HLF: variants seen among roughly 807,000 people sequenced by gnomAD.
HLF encodes HLF transcription factor, PAR bZIP family member, also known as hepatic leukemia factor.
Under a neutral mutation model 22.6 loss-of-function variants are expected in HLF, and 3 were observed. That is an observed-to-expected ratio of 0.13 (90% CI 0.06 to 0.34). The LOEUF (loss-of-function observed/expected upper bound fraction) is 0.34. HLF is among the 10% of genes least tolerant of loss of function. The probability of loss-of-function intolerance (pLI) is 1.00; values close to 1 mark genes in which losing one functional copy is unlikely to be tolerated. For missense variants in HLF, 299 were observed against 389.2 expected, an observed-to-expected ratio of 0.77 and a Z score of 1.95; for synonymous variants, 151 against 151.8, an observed-to-expected ratio of 0.99 and a Z score of 0.04.
Position 55,324,699 on chromosome 17 carries a change from TTAA to T in HLF, c.*3825_*3827del, listed in dbSNP as rs774299085. ...GGTCTCCTCCACGTTTTTTCTGCAA[TTAA>T]TAATGTCATTTAAAAAATGAGCAAA... On this transcript the variant is annotated 3_prime_UTR_variant, in exon 4 of 4. Coordinates refer to ENST00000226067, the MANE Select transcript of HLF (RefSeq NM_002126.5). 3 of 232,942 alleles carry T rather than the reference TTAA, an allele frequency of 1.3e-5. No individual in the cohort carries two copies. The highest frequency in any genetic ancestry group is 1.8e-4 in the South Asian group (1 of 5,512). 14.4% of individuals were successfully genotyped at this position (232,942 alleles called of 1,614,324 possible).
At chr17:55,300,549 T>C (rs1349400899) in intron 2 of HLF, among the ~76,000 whole-genome samples, 7 of 152,206 alleles carry the variant, frequency 4.6e-5, no homozygotes, top group Admixed American at 2.0e-4. Flanking sequence ...TATTTTCCCT[T>C]AAATGTGCTC....
Position 55,322,947 on chromosome 17 carries a change from G to T in HLF, c.*2068G>T, listed in dbSNP as rs1905311558. 1 of 224,894 alleles carries T rather than the reference G, an allele frequency of 4.4e-6. No homozygotes were observed. The highest frequency in any genetic ancestry group is 1.8e-4 in the South Asian group (1 of 5,460). The allele number at this position is 224,894 out of a possible 1,614,324, so 13.9% of individuals were successfully genotyped here. A position where few individuals can be genotyped will look rare whatever the true frequency, so the allele number is the denominator to read the frequency against. ...CAAGAAATTCTGCTGTTACGACAAA[G>T]AAACATTTTACGCTAGATTAAAATA... On this transcript the variant is annotated 3_prime_UTR_variant, in exon 4 of 4. Coordinates refer to ENST00000226067, the MANE Select transcript of HLF (RefSeq NM_002126.5).
In HLF at chr17:55,275,933, C is replaced by A. The variant is rs113302355; in HGVS notation, c.451+7847C>A. ...GCCTGGGCAACATAGCAAGACCCAT[C>A]TCTACAAAATATTTTTTTAAAAATA... On this transcript the variant is annotated intron_variant, in intron 2 of 3. Transcript: ENST00000226067. 2.3e-3 allele frequency among the ~76,000 whole-genome samples: 344 copies of A among 152,268 alleles called. 2 individuals carry two copies. The highest frequency in any genetic ancestry group is 8.0e-3 in the African/African-American group (332 of 41,556).
chr17:55,272,106 G>C (rs1011557688), intron 2 of HLF: 1 of 152,244 alleles, frequency 6.6e-6, no homozygotes, highest in Non-Finnish European at 1.5e-5. Flanking sequence ...GTCATCCAAG[G>C]TGCAGTGTCC....
chr17:55,291,778 AG>A (rs2081064648), intron 2 of HLF, among the ~76,000 whole-genome samples: 1 of 152,234 alleles, frequency 6.6e-6, no homozygotes, highest in South Asian at 2.1e-4. Context: ...GCCTTCTGAA[AG>A]GATTCACCAC....
intron 2 of HLF, among the ~76,000 whole-genome samples, chr17:55,307,971 A>G (rs1228119285): frequency 6.6e-6 from 1 of 152,198 alleles, no homozygotes; most frequent in African/African-American, 2.4e-5. Context: ...GAGCAGAGGA[A>G]GAATGCTTTA....
intron 2 of HLF, among the ~76,000 whole-genome samples, chr17:55,278,102 T>C (rs545446993): frequency 6.6e-6 from 1 of 152,326 alleles, no homozygotes; most frequent in African/African-American, 2.4e-5. Flanking sequence ...TTAATGATCT[T>C]TGGAAGAATG....
chr17:55,315,673 A>C (rs1905037438), intron 3 of HLF, among the ~76,000 whole-genome samples: 1 of 152,162 alleles, frequency 6.6e-6, no homozygotes, highest in Non-Finnish European at 1.5e-5. Flanking sequence ...AGAAGCAGTA[A>C]AATGTTGGAG....
rs1440848662 is a variant in HLF at position 55,322,010 on chromosome 17, A to C, written c.*1131A>C. The C allele has an allele frequency of 2.7e-5, 6 of 220,030 alleles. No homozygotes were observed. 13.6% of individuals were successfully genotyped at this position (220,030 alleles called of 1,614,324 possible). On this transcript the variant is annotated 3_prime_UTR_variant, in exon 4 of 4. Transcript: ENST00000226067. The stretch of plus-strand genomic sequence containing the variant: ...TGTGAATTATACTTTGTTGTTTTTA[A>C]AAAGAAAATCAGTTGATTAAGTTAA...
intron 2 of HLF, among the ~76,000 whole-genome samples, chr17:55,294,349 T>A (rs543201185): frequency 6.6e-6 from 1 of 152,318 alleles, no homozygotes; most frequent in East Asian, 1.9e-4. Context: ...CATGAATATA[T>A]GGATGTGTTG....
At chr17:55,300,828 A>G (rs1455630251) in intron 2 of HLF, among the ~76,000 whole-genome samples, 1 of 152,202 alleles carries the variant, frequency 6.6e-6, no homozygotes, top group Non-Finnish European at 1.5e-5. Context: ...CATCTGATCA[A>G]GTGAGTCCTT....
intron 2 of HLF, among the ~76,000 whole-genome samples, chr17:55,273,320 G>A (rs1293775729): frequency 6.6e-6 from 1 of 152,226 alleles, no homozygotes; most frequent in Non-Finnish European, 1.5e-5. Flanking sequence ...AGTCTGGCCA[G>A]TGTGTATTGC....
At chr17:55,283,004 T>C (rs1401965391) in intron 2 of HLF, among the ~76,000 whole-genome samples, 27 of 152,202 alleles carry the variant, frequency 1.8e-4, no homozygotes, top group Admixed American at 1.8e-3. Context: ...AGATTCTCTC[T>C]GGTGTTCAGC....
intron 3 of HLF, among the ~76,000 whole-genome samples, chr17:55,316,205 A>G (rs1014454759): frequency 5.3e-5 from 8 of 152,268 alleles, no homozygotes; most frequent in African/African-American, 1.9e-4. Flanking sequence ...TGCTAATGCC[A>G]AAATAGAACC....
chr17:55,298,240 A>G (rs748430320), intron 2 of HLF, among the ~76,000 whole-genome samples: 19 of 152,030 alleles, frequency 1.2e-4, no homozygotes, highest in African/African-American at 4.6e-4. Flanking sequence ...TTGTCAATGT[A>G]CTCAAATGAC....
At chr17:55,284,344 T>C (rs552471112) in intron 2 of HLF, among the ~76,000 whole-genome samples, 8 of 152,292 alleles carry the variant, frequency 5.3e-5, no homozygotes, top group African/African-American at 1.4e-4. Context: ...AGGTTAAACA[T>C]TGGCTATAGG....
At chr17:55,312,451 C>T (rs944680736) in intron 2 of HLF, among the ~76,000 whole-genome samples, 1 of 152,178 alleles carries the variant, frequency 6.6e-6, no homozygotes, top group African/African-American at 2.4e-5. Context: ...ACCTAAAAAT[C>T]CATCAGTTGA....
intron 2 of HLF, among the ~76,000 whole-genome samples, chr17:55,309,700 G>A (rs1353106636): frequency 6.6e-6 from 1 of 152,182 alleles, no homozygotes. Context: ...ATTGATAGAG[G>A]ATAATGTTAT....
intron 2 of HLF, among the ~76,000 whole-genome samples, chr17:55,307,298 C>T (rs1007323119): frequency 2.4e-4 from 36 of 151,238 alleles, no homozygotes; most frequent in African/African-American, 8.7e-4. Flanking sequence ...GAATTACAAG[C>T]GTGCGCCACC....
Sources: allele counts gnomAD v4.1 joint callset (sites outside exome capture counted in the v4.1 genomes callset), GRCh38; gene constraint gnomAD v4.1.1; transcripts MANE v1.5; gene names NCBI Gene and HGNC (gene_info 2026-07-23, HGNC 2026-07-21).